Variants in PRKN observed in about 807,000 individuals in gnomAD.
PRKN encodes parkin RBR E3 ubiquitin protein ligase.
A neutral mutation model predicts 59.5 loss-of-function variants in PRKN; 56 were observed. The ratio of observed to expected loss-of-function variants is 0.94; its 90% CI spans 0.76 to 1.18. PRKN has a LOEUF of 1.18. Among genes scored for constraint, PRKN ranks in the 50% most tolerant of loss-of-function variants. The probability of loss-of-function intolerance (pLI) is 0.00; values close to 1 mark genes in which losing one functional copy is unlikely to be tolerated. For synonymous variants in PRKN, 250 were observed against 222.1 expected (o/e 1.13, Z -1.12); for missense variants, 657 against 596.4 (o/e 1.10, Z -1.06).
At chr6:161,795,355 C>T (rs1338649767) in intron 6 of PRKN, among the ~76,000 whole-genome samples, 1 of 151,856 alleles carries the variant, frequency 6.6e-6, no homozygotes, top group African/African-American at 2.4e-5. Context: ...GCCTCAGCCT[C>T]CCAAGTAGCT....
chr6:161,452,966 T>C (rs1378602389), intron 9 of PRKN, among the ~76,000 whole-genome samples: 1 of 152,104 alleles, frequency 6.6e-6, no homozygotes, highest in African/African-American at 2.4e-5. Context: ...TATAAATATA[T>C]TTCCATCTCA....
chr6:161,840,727 T>C (rs1792950338), intron 6 of PRKN, among the ~76,000 whole-genome samples: 1 of 152,148 alleles, frequency 6.6e-6, no homozygotes, highest in Non-Finnish European at 1.5e-5. Context: ...GTCCCTGTTT[T>C]AGTTTGCTAA....
At chr6:162,703,618 T>A (rs1778235998) in intron 1 of PRKN, among the ~76,000 whole-genome samples, 1 of 152,172 alleles carries the variant, frequency 6.6e-6, no homozygotes, top group Non-Finnish European at 1.5e-5. Flanking sequence ...ACTTTCTATT[T>A]AATTCTGGAG....
chr6:161,720,397 G>C (rs1300476696), intron 7 of PRKN, among the ~76,000 whole-genome samples: 1 of 152,094 alleles, frequency 6.6e-6, no homozygotes. Context: ...ATCCTGAATT[G>C]GGACTCAATG....
rs145311854 is a variant in PRKN at position 161,484,070 on chromosome 6, C to T, written c.1083+64784G>A. 0.052 allele frequency among the ~76,000 whole-genome samples: 7,982 copies of T among 152,086 alleles called. 251 individuals are homozygous for T. The highest frequency in any genetic ancestry group is 0.077 in the African/African-American group (3,205 of 41,484). The stretch of plus-strand genomic sequence containing the variant: ...CATCAGGAAGAATACCTAATGGATG[C>T]TGGGCTTAATACCTAGGTGATGGGT... On this transcript the variant is annotated intron_variant, in intron 9 of 11. Coordinates refer to ENST00000366898, the MANE Select transcript of PRKN (RefSeq NM_004562.3). This position sits in a 1 kb window ranked among gnomAD's most constrained non-coding sequence, Gnocchi z 4.9.
intron 2 of PRKN, among the ~76,000 whole-genome samples, chr6:162,369,357 T>C (rs1156678422): frequency 6.6e-6 from 1 of 152,176 alleles, no homozygotes; most frequent in African/African-American, 2.4e-5. Flanking sequence ...TCTAGTTCTA[T>C]GAAATATCAT....
chr6:161,921,731 C>T (rs569632893), intron 6 of PRKN, among the ~76,000 whole-genome samples: 105 of 152,298 alleles, frequency 6.9e-4, no homozygotes, highest in African/African-American at 2.4e-3. Context: ...AAAGGAAAAT[C>T]ATCATCAGTG....
rs1779109278 is a variant in PRKN at position 161,529,057 on chromosome 6, G to A, written c.1083+19797C>T. On this transcript the variant is annotated intron_variant, in intron 9 of 11. Transcript: ENST00000366898. This position sits in a 1 kb window ranked among gnomAD's most constrained non-coding sequence, Gnocchi z 4.4. ...GTCTTGTTTGAATATCTTAATTTAGGAGTCTGCTACTTAAAACAGCTGTCT... is the reference window on the plus strand; with the variant it reads ...GTCTTGTTTGAATATCTTAATTTAGAAGTCTGCTACTTAAAACAGCTGTCT... 6.6e-6 allele frequency among the ~76,000 whole-genome samples: 1 copy of A among 152,058 alleles called. No individual in the cohort carries two copies. Among genetic ancestry groups the A allele is most frequent in the African/African-American group, 2.4e-5 (1 of 41,388 alleles).
intron 6 of PRKN, among the ~76,000 whole-genome samples, chr6:161,905,275 G>A (rs1778098513): frequency 1.3e-5 from 2 of 152,178 alleles, no homozygotes; most frequent in Non-Finnish European, 1.5e-5. Flanking sequence ...ACGTTTGCTG[G>A]CTGGAGCCTG....
intron 7 of PRKN, among the ~76,000 whole-genome samples, chr6:161,768,205 A>C (rs1789512468): frequency 6.6e-6 from 1 of 152,184 alleles, no homozygotes; most frequent in African/African-American, 2.4e-5. Flanking sequence ...GTCCTTCAAG[A>C]CAGGGTTGAT....
chr6:162,627,686 G>A (rs550317598), intron 1 of PRKN, among the ~76,000 whole-genome samples: 3 of 152,234 alleles, frequency 2.0e-5, no homozygotes, highest in Admixed American at 6.5e-5. Context: ...ATGGTGTGGC[G>A]AAACAAATAG....
At chr6:161,905,052 A>G (rs142746913) in intron 6 of PRKN, among the ~76,000 whole-genome samples, 2 of 152,256 alleles carry the variant, frequency 1.3e-5, no homozygotes, top group Admixed American at 1.3e-4. Flanking sequence ...CCCACCTTGA[A>G]TATCCACCAC....
chr6:162,529,821 G>C (rs1466448698), intron 1 of PRKN, among the ~76,000 whole-genome samples: 1 of 152,172 alleles, frequency 6.6e-6, no homozygotes, highest in Non-Finnish European at 1.5e-5. Flanking sequence ...AGGATTTATA[G>C]CAACAGTAGA....
At chr6:162,714,080 A>G (rs962134661) in intron 1 of PRKN, among the ~76,000 whole-genome samples, 3 of 152,186 alleles carry the variant, frequency 2.0e-5, no homozygotes, top group African/African-American at 7.2e-5. Context: ...GCAATGAGGT[A>G]AAGGTAGATT....
At chr6:161,934,013 G>A (rs1013094589) in intron 6 of PRKN, among the ~76,000 whole-genome samples, 2 of 152,192 alleles carry the variant, frequency 1.3e-5, no homozygotes, top group Non-Finnish European at 2.9e-5. Flanking sequence ...TTGTATCCCT[G>A]CCCAAATCTC....
chr6:161,518,903 G>C lies in PRKN; in HGVS notation c.1083+29951C>G, dbSNP rs78600213. The stretch of plus-strand genomic sequence containing the variant: ...CACCAATGTCAGGGAGAGGAAGGCT[G>C]AGCACAAGAGAATCTCCCTCTGTCC... On this transcript the variant is annotated intron_variant, in intron 9 of 11. Coordinates refer to ENST00000366898, the MANE Select transcript of PRKN (RefSeq NM_004562.3). This position sits in a 1 kb window ranked among gnomAD's most constrained non-coding sequence, Gnocchi z 5.0. 0.013 allele frequency among the ~76,000 whole-genome samples: 1,966 copies of C among 152,276 alleles called. 22 individuals carry two copies. The highest frequency in any genetic ancestry group is 0.019 in the Non-Finnish European group (1,266 of 68,024).
chr6:162,059,009 A>G (rs1330191618), intron 4 of PRKN, among the ~76,000 whole-genome samples: 3 of 150,282 alleles, frequency 2.0e-5, no homozygotes, highest in Admixed American at 2.0e-4. Flanking sequence ...TGCAGGAATT[A>G]GGGCCCAGTT....
rs147813601 is a variant in PRKN at position 161,417,187 on chromosome 6, C to T, written c.1084-30310G>A. 0.01 allele frequency among the ~76,000 whole-genome samples: 1,591 copies of T among 152,250 alleles called. 11 individuals are homozygous for T. Among genetic ancestry groups the T allele is most frequent in the Non-Finnish European group, 0.014 (927 of 68,026 alleles). On this transcript the variant is annotated intron_variant, in intron 9 of 11. Coordinates refer to ENST00000366898, the MANE Select transcript of PRKN (RefSeq NM_004562.3). This position sits in a 1 kb window ranked among gnomAD's most constrained non-coding sequence, Gnocchi z 5.4. The stretch of plus-strand genomic sequence containing the variant: ...ATCTAACGGGCTTGGCGCAGTGGCT[C>T]ACGCCTGTAATCCCAGCACTTTGGG...
In PRKN at chr6:162,117,465, C is replaced by T. The variant is rs562182585; in HGVS notation, c.535-63291G>A. Reference sequence around the variant, plus strand: ...GTAAAAGTGAAATTGTATGAGACTGCGAGAAAGACCTATGCATTTCCAAGC... The same window carrying T: ...GTAAAAGTGAAATTGTATGAGACTGTGAGAAAGACCTATGCATTTCCAAGC... On this transcript the variant is annotated intron_variant, in intron 4 of 11. Coordinates refer to ENST00000366898, the MANE Select transcript of PRKN (RefSeq NM_004562.3). Among the ~76,000 whole-genome samples, 3 of 152,284 alleles carry T rather than the reference C, an allele frequency of 2.0e-5. No individual in the cohort carries two copies. In the South Asian group the frequency reaches 6.2e-4, roughly 32 times the overall value.
Sources: gnomAD v4.1 joint callset for allele counts (sites outside exome capture counted in the v4.1 genomes callset) on GRCh38, gnomAD v4.1.1 for gene constraint, Gnocchi (gnomAD v3.1) non-coding constraint, MANE v1.5 for transcripts, NCBI Gene and HGNC (gene_info 2026-07-23, HGNC 2026-07-21) for gene names.